TRRAP: variants seen among roughly 807,000 people sequenced by gnomAD.
TRRAP encodes the protein transformation/transcription domain-associated protein.
Under a neutral mutation model 438.8 loss-of-function variants are expected in TRRAP, and 41 were observed. The ratio of observed to expected loss-of-function variants is 0.09; its 90% CI spans 0.07 to 0.12. The LOEUF is 0.12. Among genes scored for constraint, TRRAP ranks in the 10% least tolerant of loss-of-function variants. TRRAP has a pLI of 1.00. For missense variants in TRRAP, 3,122 were observed against 5,055.1 expected (o/e 0.62, Z 11.60); for synonymous variants, 1,994 against 1,962.9 (o/e 1.02, Z -0.42).
chr7:98,948,099 C>A lies in TRRAP; in HGVS notation c.4549-122C>A. On this transcript the variant is annotated intron_variant, in intron 33 of 72. Coordinates refer to ENST00000456197, the MANE Select transcript of TRRAP (RefSeq NM_001375524.1). The surrounding 1 kb of genome is among the most constrained non-coding windows in gnomAD (Gnocchi z 4.9). ...TAAGTTGTGGCTTTTACATGTGAAC[C>A]CTTCGCTTCACTGCCTAGCCTTGCC... 2.8e-6 allele frequency: 4 copies of A among 1,411,006 alleles called. No homozygotes were observed. The highest frequency in any genetic ancestry group is 3.9e-6 in the Non-Finnish European group (4 of 1,028,498). The allele number at this position is 1,411,006 out of a possible 1,614,324, so 87.4% of individuals were successfully genotyped here.
intron 4 of TRRAP, among the ~76,000 whole-genome samples, chr7:98,890,728 AC>A (rs1269899676): frequency 3.0e-5 from 4 of 135,252 alleles, no homozygotes; most frequent in African/African-American, 1.1e-4. Context: ...AGGAATGACT[AC>A]CCCCCATACC....
chr7:98,965,592 G>A, intron 48 of TRRAP, 104 bp from the exon 49 acceptor site: 1 of 1,495,144 alleles, frequency 6.7e-7, no homozygotes, highest in South Asian at 1.2e-5. Flanking sequence ...AAAACATTGA[G>A]GGGGAAAATG....
At chr7:98,911,638 C>T (rs930989777) in intron 17 of TRRAP, among the ~76,000 whole-genome samples, 1 of 152,002 alleles carries the variant, frequency 6.6e-6, no homozygotes, top group Admixed American at 6.6e-5. Flanking sequence ...TGGTGGCACA[C>T]ACCTGTAGTC....
At chr7:98,922,144 C>G (rs782018631) in intron 21 of TRRAP, among the ~76,000 whole-genome samples, 191 bp downstream of exon 21, 12 of 152,126 alleles carry the variant, frequency 7.9e-5, no homozygotes, top group Non-Finnish European at 1.8e-4. Context: ...CACCTGAGAA[C>G]TTGGTACTCT....
chr7:98,964,177 C>A (rs1792052105), intron 47 of TRRAP, among the ~76,000 whole-genome samples: 1 of 150,680 alleles, frequency 6.6e-6, no homozygotes. Flanking sequence ...TGTTTCTGTT[C>A]TAGTATTGGC....
At position 98,955,175 on chromosome 7, in the gene TRRAP, G is replaced by A. The variant is rs376165065; in HGVS notation, c.5808G>A (p.Pro1936=). 2.0e-5 allele frequency: 33 copies of A among 1,614,078 alleles called. No individual in the cohort carries two copies. Among genetic ancestry groups the A allele is most frequent in the South Asian group, 1.8e-4 (16 of 91,080 alleles). The change falls in exon 41 of 73, where the codon CCG becomes CCA. Residue 1936 remains proline (P), a synonymous_variant. Coordinates refer to ENST00000456197, the MANE Select transcript of TRRAP (RefSeq NM_001375524.1). ...IVRQAMAILT[P]AVPARMEDGH... is the part of the protein sequence containing the mutation. ...GACAGGCGATGGCCATTCTGACCCC[G>A]GCGGTGCCGGCCAGGATGGAGGACG...
chr7:98,999,882 C>T, intron 67 of TRRAP: 1 of 394,756 alleles, frequency 2.5e-6, no homozygotes, highest in South Asian at 4.6e-5. Flanking sequence ...AAATACTCGC[C>T]AGGGCCAGCA....
chr7:98,894,141 C>T lies in TRRAP; in HGVS notation c.450+260C>T, dbSNP rs184353834. 2.0e-4 allele frequency among the ~76,000 whole-genome samples: 31 copies of T among 152,228 alleles called. No homozygotes were observed. In the East Asian group the frequency reaches 4.2e-3, roughly 21 times the overall value. ...TATTTGGGCTGTTCTGGTATTTATG[C>T]GTATGATGTACAAGTCATTGTATGT... is the stretch of plus-strand genomic sequence containing the variant. On this transcript the variant is annotated intron_variant, in intron 6 of 72. Transcript: ENST00000456197.
Position 98,976,781 on chromosome 7 carries a change from G to T in TRRAP, c.8247+11G>T, listed in dbSNP as rs371346135. The T allele has an allele frequency of 6.2e-7, 1 of 1,610,768 alleles. No homozygotes were observed. Among genetic ancestry groups the T allele is most frequent in the African/African-American group, 1.3e-5 (1 of 74,958 alleles). Reference sequence around the variant, plus strand: ...ACCCCGCCGCAGCAGGTGAGGGTGCGCCTCAGTTTGTTAATTACCTCTTCC... The same window carrying T: ...ACCCCGCCGCAGCAGGTGAGGGTGCTCCTCAGTTTGTTAATTACCTCTTCC... On this transcript the variant is annotated intron_variant, in intron 55 of 72. Coordinates refer to ENST00000456197, the MANE Select transcript of TRRAP (RefSeq NM_001375524.1). The surrounding 1 kb of genome is among the most constrained non-coding windows in gnomAD (Gnocchi z 4.6).
intron 33 of TRRAP, among the ~76,000 whole-genome samples, chr7:98,946,171 A>G (rs1194472714): frequency 3.9e-5 from 6 of 152,200 alleles, no homozygotes; most frequent in African/African-American, 7.2e-5. Flanking sequence ...AAGACTCTTA[A>G]GTTCGTGTGA....
In TRRAP at chr7:98,990,254, G is replaced by GA. The variant is rs746874125; in HGVS notation, c.9592-197dup. 2.6e-5 allele frequency among the ~76,000 whole-genome samples: 4 copies of GA among 152,242 alleles called. No individual in the cohort carries two copies. In the East Asian group the frequency reaches 7.7e-4, roughly 29 times the overall value. On this transcript the variant is annotated intron_variant, in intron 63 of 72. Transcript: ENST00000456197. ...AAACAAAACACAAAAAAACTAAAGA[G>GA]AAAATCTATTTTTAAATTTTAGGTT... is the stretch of plus-strand genomic sequence containing the variant.
intron 26 of TRRAP, among the ~76,000 whole-genome samples, 191 bp downstream of exon 26, chr7:98,931,856 G>T (rs1790340871): frequency 6.6e-6 from 1 of 152,048 alleles, no homozygotes; most frequent in South Asian, 2.1e-4. Flanking sequence ...TGTGATATTT[G>T]TATATAACTT....
intron 19 of TRRAP, 24 bp downstream of exon 19, chr7:98,915,912 C>T: frequency 6.2e-7 from 1 of 1,613,296 alleles, no homozygotes; most frequent in Non-Finnish European, 8.5e-7. Flanking sequence ...CTTTGGTTGC[C>T]TTTTAGTCTT....
At chr7:98,967,230 T>C (rs1013284287) in intron 50 of TRRAP, 68 bp downstream of exon 50, 16 of 1,546,874 alleles carry the variant, frequency 1.0e-5, no homozygotes, top group Non-Finnish European at 1.4e-5. Context: ...CAGCCAGCCA[T>C]GCAGCCATGA....
At chr7:98,974,401 C>G (rs1469490939) in intron 53 of TRRAP, among the ~76,000 whole-genome samples, 1 of 152,204 alleles carries the variant, frequency 6.6e-6, no homozygotes, top group Non-Finnish European at 1.5e-5. Flanking sequence ...CCCAGGCACA[C>G]AGGCTCTTTC....
chr7:98,935,714 G>C, intron 28 of TRRAP, 39 bp downstream of exon 28: 2 of 1,525,988 alleles, frequency 1.3e-6, no homozygotes, highest in Non-Finnish European at 1.8e-6. Context: ...AAAGTGAAAG[G>C]AGACTGACCA....
Position 98,962,367 on chromosome 7 carries a change from A to G in TRRAP, c.6769A>G (p.Ile2257Val). Residue 2257 changes from isoleucine to valine, a missense_variant, in exon 47 of 73, where the codon ATC becomes GTC. Ile to Val is a conservative substitution (Grantham distance 29, BLOSUM62 3). Coordinates refer to ENST00000456197, the MANE Select transcript of TRRAP (RefSeq NM_001375524.1). ...ECLYAAVGKV[I>V]YEGLTNYEKA... is the part of the protein sequence containing the mutation. ...CCTCTACGCAGCCGTCGGAAAGGTC[A>G]TCTATGAAGGGCTCACCAACTACGA... 2 of 1,614,204 alleles carry G rather than the reference A, an allele frequency of 1.2e-6. No homozygotes were observed. The highest frequency in any genetic ancestry group is 1.7e-6 in the Non-Finnish European group (2 of 1,180,042).
At chr7:98,911,999 A>G (rs201287617) in intron 17 of TRRAP, 23 bp from the exon 18 acceptor site, 14 of 1,596,106 alleles carry the variant, frequency 8.8e-6, no homozygotes, top group Non-Finnish European at 1.1e-5. Flanking sequence ...TTAATTTTTC[A>G]CATGTGTTTC....
intron 67 of TRRAP, among the ~76,000 whole-genome samples, chr7:99,002,802 G>C (rs1343707142): frequency 1.3e-5 from 2 of 152,230 alleles, no homozygotes; most frequent in Admixed American, 6.5e-5. Context: ...TTCAGACATG[G>C]TCAGGAATAG....
Sources: gnomAD v4.1 joint callset for allele counts (sites outside exome capture counted in the v4.1 genomes callset) on GRCh38, gnomAD v4.1.1 for gene constraint, Gnocchi (gnomAD v3.1) non-coding constraint, MANE v1.5 for transcripts, NCBI Gene and HGNC (gene_info 2026-07-23, HGNC 2026-07-21) for gene names.